NBAS: variants seen among roughly 807,000 people sequenced by gnomAD.
NBAS encodes NAG/BC035112 fusion.
In NBAS, 219 loss-of-function variants were observed where a neutral mutation model predicts 302.5. The observed-to-expected ratio is 0.72, with a 90% CI of 0.65 to 0.81. NBAS has a LOEUF of 0.81. NBAS is among the 30% of genes least tolerant of loss of function. The probability of loss-of-function intolerance (pLI) is 0.00; values close to 1 mark genes in which losing one functional copy is unlikely to be tolerated. For missense variants in NBAS, 2,932 were observed against 2,841.6 expected, an observed-to-expected ratio of 1.03 and a Z score of -0.72; for synonymous variants, 1,118 against 1,021.6, an observed-to-expected ratio of 1.09 and a Z score of -1.80.
chr2:15,073,705 C>T, the NBAS span, among the ~76,000 whole-genome samples: 1 of 152,062 alleles, frequency 6.6e-6, no homozygotes, highest in African/African-American at 2.4e-5. Context: ...CATATATAGA[C>T]ACATACATAT....
chr2:14,876,300 A>AG, the NBAS span, among the ~76,000 whole-genome samples: 3 of 152,312 alleles, frequency 2.0e-5, no homozygotes, highest in South Asian at 6.2e-4. Flanking sequence ...TGGAAAAGAC[A>AG]ACCAAGTAGA....
chr2:14,851,402 G>C, the NBAS span, among the ~76,000 whole-genome samples: 524 of 152,090 alleles, frequency 3.4e-3, 5 homozygotes, highest in African/African-American at 0.012. Context: ...TCTCTGAATA[G>C]ACTAAAAACA....
the NBAS span, among the ~76,000 whole-genome samples, chr2:15,133,952 G>A: frequency 6.6e-6 from 1 of 151,946 alleles, no homozygotes; most frequent in Non-Finnish European, 1.5e-5. Flanking sequence ...GGGATTTTCA[G>A]ACAAATCCCT....
chr2:15,099,936 A>T, the NBAS span, among the ~76,000 whole-genome samples: 18 of 152,342 alleles, frequency 1.2e-4, no homozygotes, highest in Admixed American at 9.2e-4. Context: ...TCAGTGGGGA[A>T]ATCTAGGGGG....
chr2:15,382,531 G>A (rs1675090056), intron 29 of NBAS, among the ~76,000 whole-genome samples: 1 of 152,138 alleles, frequency 6.6e-6, no homozygotes, highest in South Asian at 2.1e-4. Flanking sequence ...TCTAAGTAAA[G>A]GAAAGAGGAA....
intron 35 of NBAS, among the ~76,000 whole-genome samples, chr2:15,338,581 T>C (rs919902182): frequency 2.0e-5 from 3 of 152,030 alleles, no homozygotes; most frequent in Non-Finnish European, 2.9e-5. Flanking sequence ...TTAGGGACCA[T>C]GGACTCCTGT....
the NBAS span, among the ~76,000 whole-genome samples, chr2:15,138,243 G>C: frequency 6.6e-6 from 1 of 152,144 alleles, no homozygotes; most frequent in Admixed American, 6.5e-5. Context: ...TCTTGTAGGG[G>C]AGAAAAAAGC....
At chr2:15,394,751 C>T (rs1413447506) in intron 27 of NBAS, among the ~76,000 whole-genome samples, 2 of 151,972 alleles carry the variant, frequency 1.3e-5, no homozygotes, top group African/African-American at 2.4e-5. Context: ...AGCAATAAAC[C>T]AAGAATGTTA....
At chr2:14,949,476 A>T in the NBAS span, among the ~76,000 whole-genome samples, 2 of 152,202 alleles carry the variant, frequency 1.3e-5, no homozygotes, top group African/African-American at 4.8e-5. Flanking sequence ...GCCAACAGGT[A>T]TGTGAAGCAA....
At chr2:15,370,987 T>C (rs1273959073) in intron 31 of NBAS, among the ~76,000 whole-genome samples, 1 of 151,940 alleles carries the variant, frequency 6.6e-6, no homozygotes, top group Non-Finnish European at 1.5e-5. Flanking sequence ...GGTGAAATGA[T>C]ATGGTTAGGC....
At chr2:15,380,561 ATTAT>A (rs1458630102) in intron 29 of NBAS, among the ~76,000 whole-genome samples, 22 of 117,932 alleles carry the variant, frequency 1.9e-4, no homozygotes, top group African/African-American at 6.0e-4. Flanking sequence ...CATATTAAAA[ATTAT>A]TTAAATAAAA....
intron 7 of NBAS, among the ~76,000 whole-genome samples, chr2:15,537,164 T>C (rs572772568): frequency 6.6e-5 from 10 of 152,322 alleles, no homozygotes; most frequent in African/African-American, 2.4e-4. Context: ...GGCATAAGGA[T>C]TATTTTGAGC....
At chr2:15,503,155 G>A (rs1420188671) in intron 11 of NBAS, among the ~76,000 whole-genome samples, 1 of 152,128 alleles carries the variant, frequency 6.6e-6, no homozygotes, top group Non-Finnish European at 1.5e-5. Context: ...AACACTCATG[G>A]AGTTGTAATC....
In NBAS at chr2:15,561,251, C is replaced by T; in HGVS notation, c.54G>A (p.Glu18=). 6.2e-7 allele frequency: 1 copy of T among 1,614,038 alleles called. No homozygotes were observed. The highest frequency in any genetic ancestry group is 8.5e-7 in the Non-Finnish European group (1 of 1,180,050). The part of the protein sequence containing the change: ...PALSPGTAEG[E]EETILYDLLV... The stretch of plus-strand genomic sequence containing the variant: ...ACAAGTCATAGAGAATCGTCTCCTC[C>T]TCACCCTCTGCAGTGCCTGGACTCA... The change falls in exon 1 of 52, where the codon GAG becomes GAA. Residue 18 remains glutamate, a synonymous_variant. Coordinates refer to ENST00000281513, the MANE Select transcript of NBAS (RefSeq NM_015909.4).
the NBAS span, among the ~76,000 whole-genome samples, chr2:15,128,901 CCAGGGCGTGGGCTTT>C: frequency 6.6e-6 from 1 of 152,118 alleles, no homozygotes; most frequent in Non-Finnish European, 1.5e-5. Flanking sequence ...AAGTCAGGCA[CCAGGGCGTGGGCTTT>C]GGAGTCAGGA....
chr2:15,295,257 G>A (rs1670494078), intron 40 of NBAS, among the ~76,000 whole-genome samples: 1 of 152,224 alleles, frequency 6.6e-6, no homozygotes, highest in Non-Finnish European at 1.5e-5. Context: ...GCAAGAATGA[G>A]CATGGTTATT....
chr2:15,246,870 C>T (rs1401398575), intron 44 of NBAS, among the ~76,000 whole-genome samples: 6 of 152,078 alleles, frequency 3.9e-5, no homozygotes, highest in East Asian at 3.8e-4. Context: ...GTTGTAAATA[C>T]GGAGAGATAA....
the NBAS span, among the ~76,000 whole-genome samples, chr2:14,959,316 G>A: frequency 5.3e-5 from 8 of 152,278 alleles, no homozygotes; most frequent in East Asian, 3.9e-4. Context: ...AAGAATCATC[G>A]TATTAACCCT....
chr2:15,070,640 C>T, the NBAS span, among the ~76,000 whole-genome samples: 1 of 152,136 alleles, frequency 6.6e-6, no homozygotes, highest in African/African-American at 2.4e-5. Flanking sequence ...CTCCATGCCC[C>T]CTCACACTAG....
Sources: gnomAD v4.1 joint callset for allele counts (sites outside exome capture counted in the v4.1 genomes callset) on GRCh38, gnomAD v4.1.1 for gene constraint, MANE v1.5 for transcripts, NCBI Gene and HGNC (gene_info 2026-07-23, HGNC 2026-07-21) for gene names.